Variants in SDHC observed in about 807,000 individuals in gnomAD.
SDHC encodes succinate dehydrogenase complex subunit C.
SDHC carries 11 observed loss-of-function variants against 22.6 expected under a neutral mutation model. The observed-to-expected ratio is 0.49, with a 90% CI of 0.31 to 0.81. The LOEUF (loss-of-function observed/expected upper bound fraction) is 0.81. Ranked by LOEUF, SDHC falls within the 30% of genes least tolerant of loss-of-function variation. The pLI is 0.05. For synonymous variants in SDHC, 80 were observed against 77.8 expected, an observed-to-expected ratio of 1.03 and a Z score of -0.15; for missense variants, 160 against 212.0, an observed-to-expected ratio of 0.75 and a Z score of 1.52.
At chr1:161,356,152 G>A (rs1198065554) in intron 4 of SDHC, among the ~76,000 whole-genome samples, 1 of 152,116 alleles carries the variant, frequency 6.6e-6, no homozygotes, top group African/African-American at 2.4e-5. Flanking sequence ...TTGAAAGGAG[G>A]AATAACATAC....
intron 3 of SDHC, among the ~76,000 whole-genome samples, chr1:161,333,561 G>T (rs1042270665): frequency 6.6e-6 from 1 of 152,040 alleles, no homozygotes; most frequent in Non-Finnish European, 1.5e-5. Flanking sequence ...GCGCCACCGC[G>T]CCCAACTAAT....
intron 3 of SDHC, among the ~76,000 whole-genome samples, chr1:161,335,423 T>C (rs1204903588): frequency 6.6e-6 from 1 of 152,202 alleles, no homozygotes; most frequent in Non-Finnish European, 1.5e-5. Flanking sequence ...GGTACTTGCC[T>C]AAATCATTTA....
chr1:161,314,536 C>G (rs1670529723), intron 1 of SDHC, 111 bp downstream of exon 1: 1 of 1,374,440 alleles, frequency 7.3e-7, no homozygotes, highest in African/African-American at 1.4e-5. Flanking sequence ...GGAAAGGACC[C>G]ATGGGTGTGG....
chr1:161,362,624 G>A lies in SDHC; in HGVS notation c.*191G>A. Reference sequence around the variant, plus strand: ...TGGAAAAGGGTCTAGTTTTCCCCTTGTTTCTAAAGATGAGGTGGCTGCAAA... The same window carrying A: ...TGGAAAAGGGTCTAGTTTTCCCCTTATTTCTAAAGATGAGGTGGCTGCAAA... On this transcript the variant is annotated 3_prime_UTR_variant, in exon 6 of 6. Coordinates refer to ENST00000367975, the MANE Select transcript of SDHC (RefSeq NM_003001.5). The A allele has an allele frequency of 6.3e-7, 1 of 1,587,086 alleles. No homozygotes were observed. Among genetic ancestry groups the A allele is most frequent in the South Asian group, 1.1e-5 (1 of 87,872 alleles).
chr1:161,327,831 G>C (rs893116392), intron 2 of SDHC, among the ~76,000 whole-genome samples: 8 of 151,822 alleles, frequency 5.3e-5, no homozygotes, highest in African/African-American at 1.5e-4. Flanking sequence ...CAAAGTGCTG[G>C]GATTACAGGC....
chr1:161,348,163 T>TG (rs199839849), intron 4 of SDHC, among the ~76,000 whole-genome samples: 9 of 144,330 alleles, frequency 6.2e-5, no homozygotes, highest in Admixed American at 4.7e-4. Context: ...TTTTGTTTGT[T>TG]TGTTTTTTTT....
intron 4 of SDHC, among the ~76,000 whole-genome samples, chr1:161,349,998 C>T (rs1672048726): frequency 1.3e-5 from 2 of 152,154 alleles, no homozygotes; most frequent in African/African-American, 2.4e-5. Flanking sequence ...GCAACCTCCA[C>T]CTCCTGGGTT....
intron 2 of SDHC, among the ~76,000 whole-genome samples, chr1:161,323,985 C>T (rs1480475393): frequency 3.3e-5 from 5 of 152,134 alleles, no homozygotes; most frequent in African/African-American, 7.2e-5. Context: ...CTTGAGCCAC[C>T]GCGCCCGGCC....
intron 3 of SDHC, 106 bp from the exon 4 acceptor site, chr1:161,340,488 A>G (rs1410073611): frequency 2.0e-6 from 2 of 1,023,700 alleles, no homozygotes; most frequent in East Asian, 2.4e-5. Flanking sequence ...AAAAAAAGAA[A>G]AAAAAGTGCC....
chr1:161,328,309 G>T (rs1287231981), intron 2 of SDHC, 87 bp from the exon 3 acceptor site: 2 of 1,146,648 alleles, frequency 1.7e-6, no homozygotes, highest in African/African-American at 3.0e-5. Flanking sequence ...GCTTGGTATT[G>T]CAAAATATTG....
intron 1 of SDHC, among the ~76,000 whole-genome samples, chr1:161,321,942 C>CAATGATGTGACTGAAGGATAT (rs1160646874): frequency 6.6e-6 from 1 of 152,106 alleles, no homozygotes; most frequent in African/African-American, 2.4e-5. Context: ...AGATTTGATA[C>CAATGATGTGACTGAAGGATAT]AATGATGTGA....
chr1:161,342,046 TC>T (rs1240273715), intron 4 of SDHC, among the ~76,000 whole-genome samples: 2 of 152,210 alleles, frequency 1.3e-5, no homozygotes, highest in African/African-American at 4.8e-5. Context: ...TCTAGAAGTA[TC>T]TTATTTTGGT....
chr1:161,317,438 C>A (rs78733287), intron 1 of SDHC, among the ~76,000 whole-genome samples: 17,813 of 150,876 alleles, frequency 0.12, 1,413 homozygotes, highest in African/African-American at 0.22. Flanking sequence ...ATATGTGTAC[C>A]TTGTGGAGCT....
At chr1:161,330,959 T>C (rs996722191) in intron 3 of SDHC, among the ~76,000 whole-genome samples, 2 of 148,672 alleles carry the variant, frequency 1.3e-5, no homozygotes, top group Admixed American at 6.8e-5. Flanking sequence ...GATTGCGAGA[T>C]TGTGGCGCCA....
rs563945717 is a variant in SDHC at position 161,345,287 on chromosome 1, T to C, written c.241+4632T>C. 7.6e-4 allele frequency among the ~76,000 whole-genome samples: 116 copies of C among 152,332 alleles called. 1 individual carries two copies. In the Middle Eastern group the frequency reaches 0.014, roughly 18 times the overall value. On this transcript the variant is annotated intron_variant, in intron 4 of 5. Transcript: ENST00000367975. Reference sequence around the variant, plus strand: ...TGCTGCACTGTGCTTGGTTAGTTCTTTCTTATCCTTTACATCTTAGCAAAA... The same window carrying C: ...TGCTGCACTGTGCTTGGTTAGTTCTCTCTTATCCTTTACATCTTAGCAAAA...
intron 3 of SDHC, among the ~76,000 whole-genome samples, chr1:161,336,422 T>C (rs1487141383): frequency 6.6e-6 from 1 of 151,708 alleles, no homozygotes; most frequent in African/African-American, 2.4e-5. Context: ...GCCACTGCAC[T>C]GTAGCCTGGC....
intron 4 of SDHC, among the ~76,000 whole-genome samples, chr1:161,353,701 G>T (rs532560732): frequency 2.0e-5 from 3 of 152,096 alleles, no homozygotes; most frequent in African/African-American, 4.8e-5. Flanking sequence ...CATCCACATA[G>T]GCTGGGCACA....
chr1:161,349,462 C>A (rs901867829), intron 4 of SDHC, among the ~76,000 whole-genome samples: 2 of 151,732 alleles, frequency 1.3e-5, no homozygotes, highest in Non-Finnish European at 2.9e-5. Flanking sequence ...GACTTTATCT[C>A]AAAAATAAAA....
At chr1:161,340,255 C>T (rs910661458) in intron 3 of SDHC, among the ~76,000 whole-genome samples, 5 of 151,854 alleles carry the variant, frequency 3.3e-5, no homozygotes, top group Non-Finnish European at 5.9e-5. Context: ...TGGCATGGGA[C>T]TCCAGCCTGG....
Sources: allele counts gnomAD v4.1 joint callset (sites outside exome capture counted in the v4.1 genomes callset), GRCh38; gene constraint gnomAD v4.1.1; transcripts MANE v1.5; gene names NCBI Gene and HGNC (gene_info 2026-07-23, HGNC 2026-07-21).